RSPO3: variants seen among roughly 807,000 people sequenced by gnomAD.
RSPO3 encodes R-spondin-3.
A neutral mutation model predicts 36.5 loss-of-function variants in RSPO3; 17 were observed. That is an observed-to-expected ratio of 0.47 (90% CI 0.32 to 0.70). RSPO3 has a LOEUF of 0.70. Among genes scored for constraint, RSPO3 ranks in the 30% least tolerant of loss-of-function variants. The probability of loss-of-function intolerance (pLI) is 0.04; values close to 1 mark genes in which losing one functional copy is unlikely to be tolerated. For synonymous variants in RSPO3, 108 were observed against 107.0 expected (o/e 1.01, Z -0.06); for missense variants, 294 against 322.5 (o/e 0.91, Z 0.68).
At chr6:127,195,460 G>A (rs1356787310) in intron 4 of RSPO3, among the ~76,000 whole-genome samples, 1 of 152,120 alleles carries the variant, frequency 6.6e-6, no homozygotes, top group East Asian at 1.9e-4. Context: ...TAAGCCACCA[G>A]GCCCAGCCAA....
chr6:127,163,264 C>T (rs1003211561), intron 4 of RSPO3, among the ~76,000 whole-genome samples: 6 of 152,148 alleles, frequency 3.9e-5, no homozygotes, highest in East Asian at 1.9e-4. Flanking sequence ...CTCCCTAATA[C>T]AGTCACTCCT....
At chr6:127,169,069 A>T (rs988366405) in intron 4 of RSPO3, among the ~76,000 whole-genome samples, 1 of 151,842 alleles carries the variant, frequency 6.6e-6, no homozygotes, top group South Asian at 2.1e-4. Flanking sequence ...CAGTAATGGG[A>T]TTGCTGGGTC....
chr6:127,165,115 AT>A (rs1243190272), intron 4 of RSPO3, among the ~76,000 whole-genome samples: 3 of 152,090 alleles, frequency 2.0e-5, no homozygotes, highest in African/African-American at 4.8e-5. Context: ...AATATACTAA[AT>A]TCACATGCAG....
chr6:127,154,838 T>A (rs1186307306), intron 3 of RSPO3, among the ~76,000 whole-genome samples: 1 of 152,160 alleles, frequency 6.6e-6, no homozygotes, highest in Non-Finnish European at 1.5e-5. Context: ...GTGATTCTGA[T>A]GCATGCTAAA....
chr6:127,142,821 T>G (rs1774303872), intron 1 of RSPO3, among the ~76,000 whole-genome samples: 1 of 151,998 alleles, frequency 6.6e-6, no homozygotes, highest in Non-Finnish European at 1.5e-5. Flanking sequence ...TTTGTTTTTG[T>G]TTTTGTTTTT....
In RSPO3 at chr6:127,118,938, C is replaced by T; in HGVS notation, c.-255C>T. 3.4e-6 allele frequency: 1 copy of T among 294,756 alleles called. No individual in the cohort carries two copies. 18.3% of individuals were successfully genotyped at this position (294,756 alleles called of 1,614,324 possible). A position where few individuals can be genotyped will look rare whatever the true frequency, so the allele number is the denominator to read the frequency against. Reference sequence around the variant, plus strand: ...CGGCGGCTCCTGGAACCCCGGTTCGCGGCGATGCCAGCCACCCCAGCGAAG... The same window carrying T: ...CGGCGGCTCCTGGAACCCCGGTTCGTGGCGATGCCAGCCACCCCAGCGAAG... On this transcript the variant is annotated 5_prime_UTR_variant, in exon 1 of 5. Transcript: ENST00000356698.
At chr6:127,160,123 C>T (rs935231362) in intron 4 of RSPO3, among the ~76,000 whole-genome samples, 29 of 152,102 alleles carry the variant, frequency 1.9e-4, no homozygotes, top group African/African-American at 6.0e-4. Flanking sequence ...TGTTTGCAAC[C>T]GCCTTTTTTG....
At chr6:127,169,129 C>T (rs761830313) in intron 4 of RSPO3, among the ~76,000 whole-genome samples, 1 of 151,822 alleles carries the variant, frequency 6.6e-6, no homozygotes, top group Non-Finnish European at 1.5e-5. Flanking sequence ...CACTTACTTC[C>T]ACAATGGTTG....
intron 4 of RSPO3, among the ~76,000 whole-genome samples, chr6:127,160,984 C>T (rs1167378724): frequency 6.6e-6 from 1 of 151,984 alleles, no homozygotes; most frequent in African/African-American, 2.4e-5. Context: ...TTACTCAACC[C>T]TTATTCCTTT....
At chr6:127,180,757 A>G (rs1033205333) in intron 4 of RSPO3, among the ~76,000 whole-genome samples, 1 of 151,824 alleles carries the variant, frequency 6.6e-6, no homozygotes, top group African/African-American at 2.4e-5. Flanking sequence ...GCTGTTTTAT[A>G]GTTTCATAGA....
chr6:127,170,751 T>C (rs1304113350), intron 4 of RSPO3, among the ~76,000 whole-genome samples: 1 of 151,772 alleles, frequency 6.6e-6, no homozygotes, highest in African/African-American at 2.4e-5. Context: ...CCTTAAAGAC[T>C]TTATACTAAG....
In RSPO3 at chr6:127,155,227, C is replaced by G; in HGVS notation, c.437-14C>G. 1 of 1,613,144 alleles carries G rather than the reference C, an allele frequency of 6.2e-7. No individual in the cohort carries two copies. Among genetic ancestry groups the G allele is most frequent in the Non-Finnish European group, 8.5e-7 (1 of 1,179,254 alleles). ...TGTAAGCCAGCTGAGTCTGTTTCTTCTGTTCTGTTTCAGTGCACTGTGAGG... is the reference window on the plus strand; with the variant it reads ...TGTAAGCCAGCTGAGTCTGTTTCTTGTGTTCTGTTTCAGTGCACTGTGAGG... On this transcript the variant is annotated splice_polypyrimidine_tract_variant and intron_variant, in intron 3 of 4. Transcript: ENST00000356698.
At chr6:127,165,486 G>A (rs1201030354) in intron 4 of RSPO3, among the ~76,000 whole-genome samples, 1 of 151,922 alleles carries the variant, frequency 6.6e-6, no homozygotes. Context: ...GTATTTCATT[G>A]GCAAACCTGT....
intron 4 of RSPO3, among the ~76,000 whole-genome samples, chr6:127,181,536 G>T (rs950202962): frequency 4.6e-5 from 7 of 151,900 alleles, no homozygotes; most frequent in Admixed American, 4.6e-4. Context: ...CTCAGGGAAG[G>T]CTTCCTCAGA....
At chr6:127,168,623 T>A (rs1774873909) in intron 4 of RSPO3, among the ~76,000 whole-genome samples, 1 of 152,092 alleles carries the variant, frequency 6.6e-6, no homozygotes, top group East Asian at 1.9e-4. Context: ...TTTGTCAATT[T>A]TGGGGTTTGT....
At chr6:127,125,737 A>G (rs1405530558) in intron 1 of RSPO3, among the ~76,000 whole-genome samples, 1 of 152,130 alleles carries the variant, frequency 6.6e-6, no homozygotes, top group Non-Finnish European at 1.5e-5. Context: ...CATAATTCAC[A>G]TTTTTTATTG....
chr6:127,148,702 A>C lies in RSPO3; in HGVS notation c.152A>C (p.Tyr51Ser), dbSNP rs983581336. The change falls in exon 2 of 5, where the codon TAC becomes TCC. Residue 51 changes from tyrosine (Y) to serine (S), a missense_variant. Around this residue, in one of 3 missense-constraint regions of RSPO3, gnomAD observed 43 missense variants for 86.0 expected, o/e 0.50. Transcript: ENST00000356698. ...CQGGCATCSDYNGCLSCKPRL... is the reference protein window; with the variant it reads ...CQGGCATCSDSNGCLSCKPRL... ...GGAGGCTGTGCAACATGCTCAGATT[A>C]CAATGGATGTTTGTCATGTAAGCCC... 1 of 1,613,142 alleles carries C rather than the reference A, an allele frequency of 6.2e-7. No individual in the cohort carries two copies. The highest frequency in any genetic ancestry group is 8.5e-7 in the Non-Finnish European group (1 of 1,179,456).
At chr6:127,165,794 A>T (rs1461312109) in intron 4 of RSPO3, among the ~76,000 whole-genome samples, 1 of 151,968 alleles carries the variant, frequency 6.6e-6, no homozygotes, top group African/African-American at 2.4e-5. Context: ...TAGTTTAAAA[A>T]CCAGAACCAT....
intron 4 of RSPO3, among the ~76,000 whole-genome samples, chr6:127,175,284 T>A (rs1476999431): frequency 6.6e-6 from 1 of 151,838 alleles, no homozygotes; most frequent in East Asian, 1.9e-4. Context: ...AATTCCTTTA[T>A]TGAATATAAA....
Sources: gnomAD v4.1 joint callset for allele counts (sites outside exome capture counted in the v4.1 genomes callset) on GRCh38, gnomAD v4.1.1 for gene constraint, gnomAD v4.1.1 regional missense constraint, MANE v1.5 for transcripts, NCBI Gene and HGNC (gene_info 2026-07-23, HGNC 2026-07-21) for gene names.